Variants in AGO2 observed in about 807,000 individuals in gnomAD.
AGO2 encodes protein argonaute-2.
A neutral mutation model predicts 102.3 loss-of-function variants in AGO2; 5 were observed. That is an observed-to-expected ratio of 0.05 (90% CI 0.03 to 0.10). AGO2 has a LOEUF of 0.10. Among genes scored for constraint, AGO2 ranks in the 10% least tolerant of loss-of-function variants. The pLI, the probability that AGO2 is intolerant of heterozygous loss-of-function variation, is 1.00. For missense variants in AGO2, 541 were observed against 1,183.7 expected (o/e 0.46, Z 7.97); for synonymous variants, 449 against 473.1 (o/e 0.95, Z 0.66).
chr8:140,574,159 G>A (rs1165234395), intron 2 of AGO2, among the ~76,000 whole-genome samples: 2 of 119,254 alleles, frequency 1.7e-5, no homozygotes, highest in Admixed American at 2.2e-4. Flanking sequence ...TCCCCACCGT[G>A]ACAGAGAGGC....
rs904244428 is a variant in AGO2, at chr8:140,558,687, C to T, written c.791-115G>A. 6.2e-6 allele frequency: 7 copies of T among 1,132,706 alleles called. No individual in the cohort carries two copies. The East Asian group carries it at 9.6e-5, about 16-fold the overall frequency. The allele number at this position is 1,132,706 out of a possible 1,614,324, so 70.2% of individuals were successfully genotyped here. ...GGCTGGGGACCCAAGTTATGGGGGGCTGCAGGGCTCCCCTAGGGAGGGTGA... is the reference window on the plus strand; with the variant it reads ...GGCTGGGGACCCAAGTTATGGGGGGTTGCAGGGCTCCCCTAGGGAGGGTGA... On this transcript the variant is annotated intron_variant, in intron 6 of 18. Coordinates refer to ENST00000220592, the MANE Select transcript of AGO2 (RefSeq NM_012154.5).
At position 140,539,090 on chromosome 8, in the gene AGO2, C is replaced by G. The variant is rs2072747852; in HGVS notation, c.2169+230G>C. Among the ~76,000 whole-genome samples, 1 of 152,080 alleles carries G rather than the reference C, an allele frequency of 6.6e-6. No individual in the cohort carries two copies. The highest frequency in any genetic ancestry group is 2.4e-5 in the African/African-American group (1 of 41,388). The stretch of plus-strand genomic sequence containing the variant: ...TGCACTCTAGCCTGGGTGACAGAGC[C>G]AGACCCCATCTTAAAACCCTCCAAA... On this transcript the variant is annotated intron_variant, in intron 16 of 18. Transcript: ENST00000220592. This position sits in a 1 kb window ranked among gnomAD's most constrained non-coding sequence, Gnocchi z 4.7.
At position 140,547,638 on chromosome 8, in the gene AGO2, T is replaced by A. The variant is rs371416285; in HGVS notation, c.1589-11A>T. The A allele has an allele frequency of 5.6e-6, 9 of 1,608,282 alleles. No individual in the cohort carries two copies. Among genetic ancestry groups the A allele is most frequent in the African/African-American group, 4.0e-5 (3 of 74,850 alleles). Reference sequence around the variant, plus strand: ...CGCGCTTGACCTCGGCTAAGGGACATGAGAGGCACACACAGCTCTGCCGGC... The same window carrying A: ...CGCGCTTGACCTCGGCTAAGGGACAAGAGAGGCACACACAGCTCTGCCGGC... On this transcript the variant is annotated splice_polypyrimidine_tract_variant and intron_variant, in intron 12 of 18. Transcript: ENST00000220592.
intron 13 of AGO2, among the ~76,000 whole-genome samples, chr8:140,545,935 G>A (rs936144438): frequency 6.6e-6 from 1 of 152,180 alleles, no homozygotes. Context: ...GCAGCACGTG[G>A]GAGGGCCTGT....
At chr8:140,583,063 G>T (rs765862251) in intron 2 of AGO2, among the ~76,000 whole-genome samples, 6 of 152,218 alleles carry the variant, frequency 3.9e-5, no homozygotes, top group Non-Finnish European at 8.8e-5. Context: ...ATCAGCTGGG[G>T]ACACAGACAG....
At chr8:140,579,144 C>T (rs1406931720) in intron 2 of AGO2, among the ~76,000 whole-genome samples, 2 of 151,896 alleles carry the variant, frequency 1.3e-5, no homozygotes, top group Non-Finnish European at 2.9e-5. Flanking sequence ...GATTGCTTGA[C>T]CTCGGGAGGT....
chr8:140,621,405 C>T (rs2074216310), intron 1 of AGO2, among the ~76,000 whole-genome samples: 1 of 152,204 alleles, frequency 6.6e-6, no homozygotes, highest in African/African-American at 2.4e-5. Context: ...GTGTTCATGA[C>T]TCAGACCGTG....
rs538032513 is a variant in AGO2, at chr8:140,554,935, C to G, written c.1269+961G>C. Among the ~76,000 whole-genome samples the G allele has an allele frequency of 5.3e-5, 8 of 152,246 alleles. No homozygotes were observed. In the South Asian group the frequency reaches 1.7e-3, roughly 32 times the overall value. On this transcript the variant is annotated intron_variant, in intron 10 of 18. Coordinates refer to ENST00000220592, the MANE Select transcript of AGO2 (RefSeq NM_012154.5). ...AAGCGATCCACCCGTCTCAGCCTCC[C>G]GAAGTGCTGGGATTACAGATGTGAA...
At chr8:140,618,286 C>T (rs1165794746) in intron 1 of AGO2, among the ~76,000 whole-genome samples, 1 of 151,364 alleles carries the variant, frequency 6.6e-6, no homozygotes, top group Non-Finnish European at 1.5e-5. Flanking sequence ...TGCCACTGCA[C>T]TCTAGCCTAG....
At chr8:140,590,596 C>T (rs1019946157) in intron 1 of AGO2, among the ~76,000 whole-genome samples, 1 of 152,228 alleles carries the variant, frequency 6.6e-6, no homozygotes, top group Non-Finnish European at 1.5e-5. Flanking sequence ...GAACCCACCT[C>T]GCTGGCCACC....
intron 18 of AGO2, 130 bp from the exon 19 acceptor site, chr8:140,532,282 T>C (rs1299948859): frequency 1.5e-6 from 2 of 1,376,716 alleles, no homozygotes; most frequent in African/African-American, 2.8e-5. Flanking sequence ...CTGACGGCCG[T>C]GCCATTAACA....
intron 1 of AGO2, among the ~76,000 whole-genome samples, chr8:140,613,053 A>G (rs534916188): frequency 9.6e-4 from 146 of 152,098 alleles, no homozygotes; most frequent in African/African-American, 3.4e-3. Context: ...CAAAATAATT[A>G]GCCAGGTGTG....
Position 140,555,877 on chromosome 8 carries a change from C to A in AGO2, c.1269+19G>T. Reference sequence around the variant, plus strand: ...AGACATGCCCCGCAGCCACACGTTCCCCGCCGCCCCACACGTACCCTGCCC... The same window carrying A: ...AGACATGCCCCGCAGCCACACGTTCACCGCCGCCCCACACGTACCCTGCCC... On this transcript the variant is annotated intron_variant, in intron 10 of 18. Coordinates refer to ENST00000220592, the MANE Select transcript of AGO2 (RefSeq NM_012154.5). The A allele has an allele frequency of 6.2e-7, 1 of 1,609,034 alleles. No homozygotes were observed. The highest frequency in any genetic ancestry group is 8.5e-7 in the Non-Finnish European group (1 of 1,177,522).
chr8:140,574,840 A>C (rs1226052485), intron 2 of AGO2, among the ~76,000 whole-genome samples: 1 of 152,112 alleles, frequency 6.6e-6, no homozygotes, highest in East Asian at 1.9e-4. Context: ...GTGGGATTGG[A>C]GCGTGGCTAG....
At chr8:140,542,130 G>A (rs759287646) in intron 14 of AGO2, among the ~76,000 whole-genome samples, 3 of 152,198 alleles carry the variant, frequency 2.0e-5, no homozygotes, top group Non-Finnish European at 2.9e-5. Flanking sequence ...AGCCTAGCAC[G>A]GCTCTGCGGT....
At chr8:140,564,079 T>A (rs920343052) in intron 3 of AGO2, among the ~76,000 whole-genome samples, 1 of 152,226 alleles carries the variant, frequency 6.6e-6, no homozygotes, top group African/African-American at 2.4e-5. Flanking sequence ...GAGGACCATC[T>A]GCAAAAGATG....
At chr8:140,534,598 A>G (rs1324990119) in intron 17 of AGO2, among the ~76,000 whole-genome samples, 1 of 152,236 alleles carries the variant, frequency 6.6e-6, no homozygotes, top group Non-Finnish European at 1.5e-5. Flanking sequence ...CCTAGCCCCC[A>G]TTCCTTCTCT....
At chr8:140,548,543 G>A (rs749786773) in intron 12 of AGO2, among the ~76,000 whole-genome samples, 18 of 152,130 alleles carry the variant, frequency 1.2e-4, no homozygotes, top group Non-Finnish European at 1.9e-4. Flanking sequence ...GTGGGGAAAT[G>A]GTGACCCTGG....
chr8:140,534,792 G>A (rs1588434084), intron 17 of AGO2, among the ~76,000 whole-genome samples: 1 of 152,194 alleles, frequency 6.6e-6, no homozygotes, highest in Non-Finnish European at 1.5e-5. Flanking sequence ...AGGCAGGGAC[G>A]GCACGTGACT....
Sources: gnomAD v4.1 joint callset for allele counts (sites outside exome capture counted in the v4.1 genomes callset) on GRCh38, gnomAD v4.1.1 for gene constraint, Gnocchi (gnomAD v3.1) non-coding constraint, MANE v1.5 for transcripts, NCBI Gene and HGNC (gene_info 2026-07-23, HGNC 2026-07-21) for gene names.